Variants in AFDN observed in about 807,000 individuals in gnomAD.
The protein encoded by AFDN is afadin, adherens junction formation factor, also known as afadin.
A neutral mutation model predicts 216.6 loss-of-function variants in AFDN; 68 were observed. The ratio of observed to expected loss-of-function variants is 0.31; its 90% CI spans 0.26 to 0.38. The LOEUF (loss-of-function observed/expected upper bound fraction) is 0.38, where lower values mean the gene tolerates loss of function less well. AFDN is among the 10% of genes least tolerant of loss of function. The pLI is 1.00. For synonymous variants in AFDN, 868 were observed against 853.7 expected (o/e 1.02, Z -0.29); for missense variants, 2,136 against 2,342.0 (o/e 0.91, Z 1.82).
At chr6:167,960,680 T>C (rs7765005) in intron 30 of AFDN, among the ~76,000 whole-genome samples, 37,696 of 152,110 alleles carry the variant, frequency 0.25, 7,098 homozygotes, top group African/African-American at 0.53. Context: ...CTAGTTTTTC[T>C]TGACCCCTGA....
At chr6:167,901,776 G>T (rs189559871) in intron 11 of AFDN, among the ~76,000 whole-genome samples, 1 of 151,442 alleles carries the variant, frequency 6.6e-6, no homozygotes, top group Admixed American at 6.6e-5. Context: ...TTTATGTTCC[G>T]TTTCTTGTAT....
intron 9 of AFDN, among the ~76,000 whole-genome samples, chr6:167,894,849 A>G (rs1480102560): frequency 2.0e-5 from 3 of 152,212 alleles, no homozygotes; most frequent in Non-Finnish European, 4.4e-5. Context: ...AGCATTCAGA[A>G]TTCGGAAGAA....
At chr6:167,929,548 TA>T (rs1015817646) in intron 23 of AFDN, among the ~76,000 whole-genome samples, 2 of 152,170 alleles carry the variant, frequency 1.3e-5, no homozygotes, top group Non-Finnish European at 2.9e-5. Context: ...TCTTCCCTGG[TA>T]AGAGGAAGGT....
intron 1 of AFDN, among the ~76,000 whole-genome samples, chr6:167,843,847 C>T (rs1781340240): frequency 6.6e-6 from 1 of 152,152 alleles, no homozygotes; most frequent in Non-Finnish European, 1.5e-5. Context: ...TAATTAGAAC[C>T]TTTTGTGTTA....
chr6:167,848,601 T>A (rs1781958419), intron 1 of AFDN, among the ~76,000 whole-genome samples: 1 of 152,192 alleles, frequency 6.6e-6, no homozygotes, highest in Admixed American at 6.5e-5. Context: ...GATGAATACC[T>A]AGAAGTGGAA....
At chr6:167,867,779 T>G (rs1784353839) in intron 2 of AFDN, among the ~76,000 whole-genome samples, 3 of 152,196 alleles carry the variant, frequency 2.0e-5, no homozygotes, top group Non-Finnish European at 4.4e-5. Context: ...TTTACCAGCC[T>G]CCTTGTAGCA....
At chr6:167,966,214 G>A in intron 32 of AFDN, 169 bp downstream of exon 32, 1 of 1,533,174 alleles carries the variant, frequency 6.5e-7, no homozygotes, top group African/African-American at 1.4e-5. Flanking sequence ...CACAAAAAAG[G>A]CCAGCCCCTG....
intron 9 of AFDN, among the ~76,000 whole-genome samples, chr6:167,894,797 G>T (rs1321353881): frequency 6.6e-6 from 1 of 152,190 alleles, no homozygotes; most frequent in Non-Finnish European, 1.5e-5. Flanking sequence ...ATGTAGAAAG[G>T]TGTGTGATAG....
intron 12 of AFDN, among the ~76,000 whole-genome samples, chr6:167,905,116 A>G (rs1562645163): frequency 6.6e-6 from 1 of 151,956 alleles, no homozygotes; most frequent in Non-Finnish European, 1.5e-5. Context: ...CTTGTCTCAG[A>G]CCTCAGCTTA....
chr6:167,925,131 T>G (rs760855851), intron 23 of AFDN, 40 bp downstream of exon 23: 3 of 1,413,046 alleles, frequency 2.1e-6, no homozygotes, highest in Non-Finnish European at 3.0e-6. Flanking sequence ...CTCTCCAGTC[T>G]TTCGGCATTG....
chr6:167,940,227 G>T (rs987860858), intron 23 of AFDN, among the ~76,000 whole-genome samples: 1 of 151,982 alleles, frequency 6.6e-6, no homozygotes, highest in African/African-American at 2.4e-5. Context: ...AGGGGTGAGG[G>T]TGGAAACCAT....
chr6:167,880,317 C>A (rs1393750399), intron 5 of AFDN, 43 bp from the exon 6 acceptor site: 2 of 1,580,360 alleles, frequency 1.3e-6, no homozygotes, highest in Non-Finnish European at 1.7e-6. Flanking sequence ...CTGTTACTGG[C>A]ATAAAGTAAG....
chr6:167,961,758 G>A (rs1209836137), intron 30 of AFDN, among the ~76,000 whole-genome samples: 2 of 152,202 alleles, frequency 1.3e-5, no homozygotes, highest in African/African-American at 4.8e-5. Context: ...AGAGAGCCGA[G>A]ATAGGGCTCC....
intron 1 of AFDN, chr6:167,863,653 A>G: frequency 5.1e-6 from 2 of 390,674 alleles, no homozygotes; most frequent in Middle Eastern, 3.7e-4. Flanking sequence ...ATTCTCTGGA[A>G]TTTTTGTTGG....
At chr6:167,876,119 A>G (rs1317570572) in intron 5 of AFDN, among the ~76,000 whole-genome samples, 1 of 152,188 alleles carries the variant, frequency 6.6e-6, no homozygotes, top group Non-Finnish European at 1.5e-5. Context: ...CATCCATCGC[A>G]GACACTGCTC....
At chr6:167,913,453 C>T (rs1265049806) in intron 16 of AFDN, 30 bp downstream of exon 16, 3 of 1,534,920 alleles carry the variant, frequency 2.0e-6, no homozygotes, top group Non-Finnish European at 2.6e-6. Context: ...CTGATCCTAG[C>T]TGTGTTGCTT....
chr6:167,894,222 G>A (rs540695321), intron 9 of AFDN, among the ~76,000 whole-genome samples: 17 of 152,134 alleles, frequency 1.1e-4, no homozygotes, highest in Non-Finnish European at 1.6e-4. Context: ...CAAAGCACTC[G>A]TTGGGCGGTG....
Position 167,827,206 on chromosome 6 carries a change from T to C in AFDN, c.74T>C (p.Leu25Pro). 7.9e-7 allele frequency: 1 copy of C among 1,273,808 alleles called. No homozygotes were observed. Among genetic ancestry groups the C allele is most frequent in the Non-Finnish European group, 1.0e-6 (1 of 978,472 alleles). The allele number at this position is 1,273,808 out of a possible 1,614,324, so 78.9% of individuals were successfully genotyped here. ...ATCCACCACTGGAACGCCAACCGGC[T>C]GGACCTGTTCGAGATCAGCCAGCCG... ...DIIHHWNANR[L>P]DLFEISQPTE... The change falls in exon 1 of 34, where the codon CTG becomes CCG. Residue 25 changes from leucine to proline, a missense_variant. Physicochemically the swap from Leu to Pro is moderately conservative, Grantham distance 98 (BLOSUM62 -3). Transcript: ENST00000683244.
Position 167,898,240 on chromosome 6 carries a change from C to T in AFDN, c.1353C>T (p.Asp451=). The change falls in exon 11 of 34, where the codon GAC becomes GAT. Residue 451 remains aspartate, a synonymous_variant. Coordinates refer to ENST00000683244, the MANE Select transcript of AFDN (RefSeq NM_001386888.1). ...CAGGAATTCAGCCCCATCACTGTGA[C>T]CTTACCAACATGGATGGAGTGGTCA... ...FGPGIQPHHC[D]LTNMDGVVTV... 6.2e-7 allele frequency: 1 copy of T among 1,614,118 alleles called. No homozygotes were observed.
Sources: allele counts gnomAD v4.1 joint callset (sites outside exome capture counted in the v4.1 genomes callset), GRCh38; gene constraint gnomAD v4.1.1; transcripts MANE v1.5; gene names NCBI Gene and HGNC (gene_info 2026-07-23, HGNC 2026-07-21).